ARHGAP28: variants seen among roughly 807,000 people sequenced by gnomAD.
ARHGAP28 encodes the protein rho GTPase-activating protein 28.
ARHGAP28 carries 56 observed loss-of-function variants against 90.7 expected under a neutral mutation model. The observed-to-expected ratio is 0.62, with a 90% CI of 0.50 to 0.77. The LOEUF (loss-of-function observed/expected upper bound fraction) is 0.77. Among genes scored for constraint, ARHGAP28 ranks in the 30% least tolerant of loss-of-function variants. ARHGAP28 has a pLI of 0.00. For synonymous variants in ARHGAP28, 308 were observed against 323.3 expected (o/e 0.95, Z 0.51); for missense variants, 869 against 900.9 (o/e 0.96, Z 0.45).
At chr18:6,885,720 T>G (rs1212057363) in intron 11 of ARHGAP28, among the ~76,000 whole-genome samples, 2 of 152,098 alleles carry the variant, frequency 1.3e-5, no homozygotes, top group African/African-American at 4.8e-5. Context: ...TTAAAAGAGC[T>G]TCTTAATTTC....
intron 5 of ARHGAP28, among the ~76,000 whole-genome samples, chr18:6,861,442 T>A (rs539922921): frequency 6.6e-6 from 1 of 152,300 alleles, no homozygotes; most frequent in African/African-American, 2.4e-5. Flanking sequence ...CTCAAGTCAT[T>A]GATTTAAAAT....
chr18:6,897,475 AT>A (rs1397669351), intron 16 of ARHGAP28: 1 of 152,174 alleles, frequency 6.6e-6, no homozygotes, highest in Non-Finnish European at 1.5e-5. Flanking sequence ...GATCATGACA[AT>A]TTTTGTCTGG....
intron 17 of ARHGAP28, among the ~76,000 whole-genome samples, chr18:6,910,528 C>G (rs996984668): frequency 1.3e-5 from 2 of 152,082 alleles, no homozygotes; most frequent in Non-Finnish European, 2.9e-5. Flanking sequence ...ATGCCCTCCC[C>G]CCAGACAGCC....
chr18:6,850,940 A>G lies in ARHGAP28; in HGVS notation c.544-94A>G. 3.2e-6 allele frequency: 5 copies of G among 1,559,872 alleles called. 1 individual carries two copies. Among genetic ancestry groups the G allele is most frequent in the Middle Eastern group, 3.3e-4 (2 of 5,974 alleles). ...TATATATCTCCAGGCAGCTGTACAT[A>G]TATATAAAAACTCTAGTGTAATGCA... On this transcript the variant is annotated intron_variant, in intron 3 of 17. Transcript: ENST00000383472.
At chr18:6,803,903 C>T (rs531688876) in intron 1 of ARHGAP28, among the ~76,000 whole-genome samples, 7 of 152,164 alleles carry the variant, frequency 4.6e-5, no homozygotes, top group Admixed American at 2.6e-4. Flanking sequence ...CTCAGCCTCC[C>T]GAGTAGCTGG....
At chr18:6,816,755 G>A (rs1197131242) in intron 1 of ARHGAP28, among the ~76,000 whole-genome samples, 3 of 152,124 alleles carry the variant, frequency 2.0e-5, no homozygotes, top group African/African-American at 7.2e-5. Context: ...CCAAGACATG[G>A]GGTTAGGCTA....
chr18:6,847,205 C>T (rs1302392669), intron 3 of ARHGAP28, among the ~76,000 whole-genome samples: 1 of 152,110 alleles, frequency 6.6e-6, no homozygotes, highest in Non-Finnish European at 1.5e-5. Context: ...ATTAGGCCAC[C>T]TGATTTCACC....
intron 2 of ARHGAP28, among the ~76,000 whole-genome samples, chr18:6,832,278 T>G (rs1181895863): frequency 1.3e-5 from 2 of 152,044 alleles, no homozygotes; most frequent in African/African-American, 4.8e-5. Flanking sequence ...GTAACATAGT[T>G]TATATGTTTC....
At chr18:6,772,357 A>G (rs1397234118) in intron 1 of ARHGAP28, among the ~76,000 whole-genome samples, 2 of 152,100 alleles carry the variant, frequency 1.3e-5, no homozygotes, top group Admixed American at 1.3e-4. Context: ...ACTACATTGC[A>G]TTTTCCCTGG....
intron 10 of ARHGAP28, among the ~76,000 whole-genome samples, chr18:6,878,572 C>A (rs2057152280): frequency 6.6e-6 from 1 of 152,174 alleles, no homozygotes; most frequent in East Asian, 1.9e-4. Context: ...TTTGGCTAAT[C>A]TTCCACTGAA....
chr18:6,764,868 A>T (rs2056188198), intron 1 of ARHGAP28, among the ~76,000 whole-genome samples: 1 of 152,298 alleles, frequency 6.6e-6, no homozygotes, highest in Non-Finnish European at 1.5e-5. Context: ...ATTTTATTTC[A>T]TTACTTTACA....
In ARHGAP28 at chr18:6,826,176, G is replaced by T. The variant is rs150671917; in HGVS notation, c.325+1212G>T. Among the ~76,000 whole-genome samples, 452 of 150,958 alleles carry T rather than the reference G, an allele frequency of 3.0e-3. 1 individual carries two copies. The highest frequency in any genetic ancestry group is 0.011 in the African/African-American group (436 of 41,050). On this transcript the variant is annotated intron_variant, in intron 2 of 17. Transcript: ENST00000383472. ...GTTTTGATAGTAGCCATTCTGACTG[G>T]TGTGAGATGATATCTCAGTTTGGTT... is the stretch of plus-strand genomic sequence containing the variant.
At position 6,817,648 on chromosome 18, in the gene ARHGAP28, T is replaced by C. The variant is rs180686067; in HGVS notation, c.123-7114T>C. On this transcript the variant is annotated intron_variant, in intron 1 of 17. Transcript: ENST00000383472. The stretch of plus-strand genomic sequence containing the variant: ...GTGTTATTTCTAAAACTCAGTAATA[T>C]CAAGGCCAATTGCTACAATTTCTTG... Among the ~76,000 whole-genome samples, 242 of 152,306 alleles carry C rather than the reference T, an allele frequency of 1.6e-3. 1 individual carries two copies. The highest frequency in any genetic ancestry group is 5.6e-3 in the African/African-American group (233 of 41,576).
intron 1 of ARHGAP28, among the ~76,000 whole-genome samples, chr18:6,731,840 A>G (rs947388563): frequency 2.0e-5 from 3 of 152,256 alleles, no homozygotes; most frequent in East Asian, 1.9e-4. Context: ...CTAATGATCA[A>G]TACTTCCTTT....
At chr18:6,808,146 G>C (rs920773450) in intron 1 of ARHGAP28, among the ~76,000 whole-genome samples, 2 of 151,960 alleles carry the variant, frequency 1.3e-5, no homozygotes, top group Non-Finnish European at 2.9e-5. Context: ...TCCTCCTATT[G>C]GTCACAGGGG....
chr18:6,731,439 C>T (rs1357487708), intron 1 of ARHGAP28, among the ~76,000 whole-genome samples: 1 of 152,116 alleles, frequency 6.6e-6, no homozygotes, highest in Non-Finnish European at 1.5e-5. Context: ...CAATTTGAAA[C>T]TACATCCTTT....
intron 1 of ARHGAP28, among the ~76,000 whole-genome samples, chr18:6,779,904 A>C (rs1250703463): frequency 6.6e-6 from 1 of 152,228 alleles, no homozygotes; most frequent in African/African-American, 2.4e-5. Flanking sequence ...AAATGTCACT[A>C]ACTTTGAACC....
chr18:6,882,389 GTAT>G, intron 11 of ARHGAP28, 90 bp downstream of exon 11: 1 of 1,316,292 alleles, frequency 7.6e-7, no homozygotes, highest in Non-Finnish European at 1.0e-6. Flanking sequence ...ATGTGCTCAT[GTAT>G]AGATTTGCTG....
rs145178931 is a variant in ARHGAP28, at chr18:6,903,669, A to G, written c.2031-5291A>G. Among the ~76,000 whole-genome samples the G allele has an allele frequency of 8.3e-3, 1,258 of 152,050 alleles. 13 individuals carry two copies. The highest frequency in any genetic ancestry group is 0.029 in the African/African-American group (1,210 of 41,476). On this transcript the variant is annotated intron_variant, in intron 16 of 17. Coordinates refer to ENST00000383472, the MANE Select transcript of ARHGAP28 (RefSeq NM_001366230.1). ...AACATGGTGAAATGCCGTCTCTACT[A>G]AAAATACAAAAATTAGCTGAGCGTG...
Sources: gnomAD v4.1 joint callset for allele counts (sites outside exome capture counted in the v4.1 genomes callset) on GRCh38, gnomAD v4.1.1 for gene constraint, MANE v1.5 for transcripts, NCBI Gene and HGNC (gene_info 2026-07-23, HGNC 2026-07-21) for gene names.